Variants in ZDHHC11B observed in about 807,000 individuals in gnomAD.
The protein encoded by ZDHHC11B is probable palmitoyltransferase ZDHHC11B.
In ZDHHC11B, 17 loss-of-function variants were observed where a neutral mutation model predicts 42.3. The ratio of observed to expected loss-of-function variants is 0.40; its 90% CI spans 0.27 to 0.60. ZDHHC11B has a LOEUF of 0.60. ZDHHC11B is among the 20% of genes least tolerant of loss of function. The probability of loss-of-function intolerance (pLI) is 0.41; values close to 1 mark genes in which losing one functional copy is unlikely to be tolerated. For synonymous variants in ZDHHC11B, 123 were observed against 193.5 expected (o/e 0.64, Z 3.02); for missense variants, 262 against 463.2 (o/e 0.57, Z 3.99).
chr5:740,590 A>AAAAAAT (rs1744058214), intron 10 of ZDHHC11B, among the ~76,000 whole-genome samples: 1 of 136,924 alleles, frequency 7.3e-6, no homozygotes, highest in South Asian at 2.8e-4. Flanking sequence ...ATTCCATCTC[A>AAAAAAT]AAAAATAAAA....
intron 7 of ZDHHC11B, among the ~76,000 whole-genome samples, chr5:749,943 T>G (rs555497012): frequency 1.6e-5 from 2 of 122,364 alleles, no homozygotes; most frequent in African/African-American, 5.7e-5. Flanking sequence ...TGTGAGGCCC[T>G]GGAGGCATCA....
chr5:736,443 C>T (rs1285277907), intron 10 of ZDHHC11B, among the ~76,000 whole-genome samples: 2 of 149,548 alleles, frequency 1.3e-5, no homozygotes, highest in Non-Finnish European at 3.0e-5. Context: ...AAACAATGAC[C>T]TTAAACTATA....
chr5:751,650 A>T (rs1205624407), intron 6 of ZDHHC11B, among the ~76,000 whole-genome samples: 1 of 127,292 alleles, frequency 7.9e-6, no homozygotes, highest in Non-Finnish European at 1.8e-5. Context: ...CGTCCACTTG[A>T]GAGAGGGCTC....
intron 12 of ZDHHC11B, among the ~76,000 whole-genome samples, chr5:722,788 G>A (rs2126972776): frequency 6.6e-6 from 1 of 151,394 alleles, no homozygotes; most frequent in African/African-American, 2.4e-5. Flanking sequence ...GTGTGGTACG[G>A]GGTGGAACAG....
intron 8 of ZDHHC11B, among the ~76,000 whole-genome samples, chr5:746,198 C>T (rs1216247114): frequency 1.6e-4 from 23 of 147,148 alleles, no homozygotes; most frequent in Non-Finnish European, 1.5e-4. Flanking sequence ...AACACCAACA[C>T]CGTGAGAGCC....
chr5:736,829 A>G (rs1482779457), intron 10 of ZDHHC11B, among the ~76,000 whole-genome samples: 2 of 129,428 alleles, frequency 1.5e-5, no homozygotes, highest in African/African-American at 5.7e-5. Context: ...GTTTAAAGGA[A>G]TGTTCACAGC....
intron 13 of ZDHHC11B, among the ~76,000 whole-genome samples, chr5:712,658 C>T (rs1741455611): frequency 6.7e-6 from 1 of 150,150 alleles, no homozygotes; most frequent in Admixed American, 6.7e-5. Context: ...ACCTGTAATC[C>T]CAGCACTTTG....
At chr5:764,606 G>T (rs1201180326) in intron 4 of ZDHHC11B, among the ~76,000 whole-genome samples, 2 of 152,030 alleles carry the variant, frequency 1.3e-5, no homozygotes, top group East Asian at 3.9e-4. Context: ...TGCGGGGCAG[G>T]GCTCAGGACC....
chr5:730,037 G>A (rs1216533902), intron 12 of ZDHHC11B, among the ~76,000 whole-genome samples: 1 of 151,336 alleles, frequency 6.6e-6, no homozygotes, highest in Non-Finnish European at 1.5e-5. Context: ...GTGCAGTTGG[G>A]CTGGAATTGT....
intron 4 of ZDHHC11B, among the ~76,000 whole-genome samples, chr5:759,933 C>T (rs1734371908): frequency 6.6e-6 from 1 of 151,874 alleles, no homozygotes; most frequent in Non-Finnish European, 1.5e-5. Flanking sequence ...CCGAGGGGGT[C>T]GCTGAGGTGC....
At chr5:756,389 C>T (rs533552662) in intron 4 of ZDHHC11B, among the ~76,000 whole-genome samples, 12 of 151,512 alleles carry the variant, frequency 7.9e-5, no homozygotes, top group South Asian at 6.3e-4. Flanking sequence ...CCCGTCCACT[C>T]GGCCCTGCAC....
intron 1 of ZDHHC11B, among the ~76,000 whole-genome samples, chr5:772,755 G>A (rs1175605438): frequency 6.6e-6 from 1 of 151,730 alleles, no homozygotes; most frequent in Non-Finnish European, 1.5e-5. Flanking sequence ...GGGTGGAGCA[G>A]TGCCGACCTC....
rs1485268236 is a variant in ZDHHC11B, at chr5:762,695, C to T, written c.222+4003G>A. On this transcript the variant is annotated intron_variant, in intron 4 of 13. Transcript: ENST00000508859. ...CAGAAAATACATAGCTTTAAACACA[C>T]ATTAAAAAGTAAGAAAGGTCTACAA... Among the ~76,000 whole-genome samples the T allele has an allele frequency of 1.2e-4, 18 of 151,792 alleles. No individual in the cohort carries two copies. In the East Asian group the frequency reaches 3.5e-3, roughly 29 times the overall value.
At chr5:715,050 C>T (rs1334721617) in intron 13 of ZDHHC11B, among the ~76,000 whole-genome samples, 11 of 149,522 alleles carry the variant, frequency 7.4e-5, no homozygotes, top group African/African-American at 2.5e-4. Context: ...CTGAGACCCT[C>T]ACCACATGCA....
Position 741,923 on chromosome 5 carries a change from A to G in ZDHHC11B, c.901-295T>C, listed in dbSNP as rs1476108754. Among the ~76,000 whole-genome samples, 808 of 104,668 alleles carry G rather than the reference A, an allele frequency of 7.7e-3. 8 individuals carry two copies. Among genetic ancestry groups the G allele is most frequent in the African/African-American group, 0.025 (764 of 30,030 alleles). The allele number at this position is 104,668 out of a possible 152,430, so 68.7% of individuals were successfully genotyped here. A position where few individuals can be genotyped will look rare whatever the true frequency, so the allele number is the denominator to read the frequency against. ...CACCCTCATTTAACTCCCACGCAGG[A>G]GACTTGCAATTTCTCTACAACTTCA... On this transcript the variant is annotated intron_variant, in intron 9 of 13. Transcript: ENST00000508859.
At chr5:727,879 C>G (rs1742710253) in intron 12 of ZDHHC11B, among the ~76,000 whole-genome samples, 1 of 151,574 alleles carries the variant, frequency 6.6e-6, no homozygotes, top group Non-Finnish European at 1.5e-5. Context: ...TTGTATAACC[C>G]TGGAGTAAGA....
intron 1 of ZDHHC11B, among the ~76,000 whole-genome samples, chr5:777,153 G>A (rs1005435891): frequency 7.3e-5 from 11 of 151,722 alleles, no homozygotes; most frequent in African/African-American, 2.7e-4. Flanking sequence ...ATGTTCAGAT[G>A]CGTCTGGAGT....
At chr5:776,523 C>T in intron 1 of ZDHHC11B, among the ~76,000 whole-genome samples, 1 of 151,862 alleles carries the variant, frequency 6.6e-6, no homozygotes, top group East Asian at 1.9e-4. Context: ...GCTGGGCCCA[C>T]GCAGTGTGCT....
At chr5:748,092 T>G (rs149856911) in intron 8 of ZDHHC11B, 16,447 of 505,796 alleles carry the variant, frequency 0.033, 1,842 homozygotes, top group African/African-American at 0.16. Flanking sequence ...CCATTCCATT[T>G]TCTCTGAACA....
Sources: gnomAD v4.1 joint callset for allele counts (sites outside exome capture counted in the v4.1 genomes callset) on GRCh38, gnomAD v4.1.1 for gene constraint, MANE v1.5 for transcripts, NCBI Gene and HGNC (gene_info 2026-07-23, HGNC 2026-07-21) for gene names.